EIF4B: variants seen among roughly 807,000 people sequenced by gnomAD.
EIF4B encodes the protein eukaryotic translation initiation factor 4B.
EIF4B carries 8 observed loss-of-function variants against 79.3 expected under a neutral mutation model. That is an observed-to-expected ratio of 0.10 (90% CI 0.06 to 0.18). The LOEUF (loss-of-function observed/expected upper bound fraction) is 0.18, where lower values mean the gene tolerates loss of function less well. Among genes scored for constraint, EIF4B ranks in the 10% least tolerant of loss-of-function variants. The pLI is 1.00. For synonymous variants in EIF4B, 238 were observed against 274.7 expected (o/e 0.87, Z 1.32); for missense variants, 515 against 792.4 (o/e 0.65, Z 4.20).
intron 2 of EIF4B, 72 bp from the exon 3 acceptor site, chr12:53,018,726 T>G: frequency 6.4e-7 from 1 of 1,559,186 alleles, no homozygotes; most frequent in Non-Finnish European, 8.8e-7. Context: ...GCAATTAACA[T>G]GGGTCCTCTT....
chr12:53,028,319 T>C, intron 8 of EIF4B, 131 bp downstream of exon 8: 4 of 1,265,106 alleles, frequency 3.2e-6, no homozygotes, highest in Non-Finnish European at 4.2e-6. Flanking sequence ...CAGCAAAGCA[T>C]AGTAGAAAGA....
chr12:53,009,695 TTA>T (rs1259241010), intron 1 of EIF4B, among the ~76,000 whole-genome samples: 3 of 152,172 alleles, frequency 2.0e-5, no homozygotes, highest in Non-Finnish European at 4.4e-5. Flanking sequence ...AGGGGTGCCA[TTA>T]TATATTGCTT....
rs1344951812 is a variant in EIF4B, at chr12:53,040,619, T to G, written c.*396T>G. On this transcript the variant is annotated 3_prime_UTR_variant, in exon 15 of 15. Coordinates refer to ENST00000262056, the MANE Select transcript of EIF4B (RefSeq NM_001417.7). ...GAAGGAAAAGTGTGAGATTTCTACC[T>G]TTTAGTTTTTATCCTATTGTGGCAT... 1.3e-5 allele frequency: 2 copies of G among 157,972 alleles called. No individual in the cohort carries two copies. Among genetic ancestry groups the G allele is most frequent in the African/African-American group, 2.4e-5 (1 of 41,556 alleles). 9.8% of individuals were successfully genotyped at this position (157,972 alleles called of 1,614,324 possible). A position where few individuals can be genotyped will look rare whatever the true frequency, so the allele number is the denominator to read the frequency against.
Position 53,028,184 on chromosome 12 carries a change from T to C in EIF4B, c.975T>C (p.Asp325=). Residue 325 remains aspartate (D), a synonymous_variant, in exon 8 of 15, where the codon GAT becomes GAC. Transcript: ENST00000262056. ...CTCGGGATGATTATAGGCGTGATGA[T>C]AGAGGTAATAGTTTTCTTTTTACGT... ...DYSRDDYRRD[D]RGPPQRPKLN... 3.2e-6 allele frequency: 5 copies of C among 1,569,708 alleles called. No individual in the cohort carries two copies. Among genetic ancestry groups the C allele is most frequent in the Non-Finnish European group, 4.3e-6 (5 of 1,162,404 alleles).
chr12:53,030,065 TACAA>T (rs1174880842), intron 8 of EIF4B, among the ~76,000 whole-genome samples: 1 of 143,174 alleles, frequency 7.0e-6, no homozygotes, highest in Non-Finnish European at 1.5e-5. Context: ...CTGCAAAAAA[TACAA>T]AAGTTAGCTG....
chr12:53,028,511 C>T (rs189447818), intron 8 of EIF4B, among the ~76,000 whole-genome samples: 3 of 149,808 alleles, frequency 2.0e-5, no homozygotes, highest in East Asian at 2.0e-4. Context: ...GTGGAGATGG[C>T]GCCGCTGCAC....
intron 10 of EIF4B, among the ~76,000 whole-genome samples, chr12:53,035,881 G>A (rs1176779570): frequency 1.3e-5 from 2 of 151,418 alleles, no homozygotes; most frequent in African/African-American, 4.9e-5. Context: ...GCAGTGGCAC[G>A]ATTTTGGCTC....
chr12:53,040,047 TCATCCCC>T (rs918410441), intron 14 of EIF4B, 89 bp from the exon 15 acceptor site: 21 of 1,388,130 alleles, frequency 1.5e-5, no homozygotes, highest in Non-Finnish European at 2.0e-5. Flanking sequence ...CATCTGACTG[TCATCCCC>T]CATTGCCAAA....
In EIF4B at chr12:53,016,615, CT is replaced by C. The variant is rs752309294; in HGVS notation, c.151+9del. Reference sequence around the variant, plus strand: ...CGGATGACCTGGAAGGAGATGGTAACTTTTCTTTTGTCATCGTGTTTGGAAT... The same window carrying C: ...CGGATGACCTGGAAGGAGATGGTAACTTTCTTTTGTCATCGTGTTTGGAAT... On this transcript the variant is annotated splice_donor_region_variant and intron_variant, in intron 2 of 14. Transcript: ENST00000262056. 2.5e-6 allele frequency: 4 copies of C among 1,569,538 alleles called. No homozygotes were observed. The highest frequency in any genetic ancestry group is 3.4e-6 in the Non-Finnish European group (4 of 1,161,830).
At position 53,040,402 on chromosome 12, in the gene EIF4B, T is replaced by C. The variant is rs2120996150; in HGVS notation, c.*179T>C. ...GCATGCTGCTGCAGCCTTTAAAGTA[T>C]TGAAGTAACTGGAGAATTGCCAATA... On this transcript the variant is annotated 3_prime_UTR_variant, in exon 15 of 15. Transcript: ENST00000262056. The C allele has an allele frequency of 1.2e-5, 7 of 588,182 alleles. No individual in the cohort carries two copies. Among genetic ancestry groups the C allele is most frequent in the Non-Finnish European group, 2.0e-5 (7 of 347,406 alleles). The allele number at this position is 588,182 out of a possible 1,614,324, so 36.4% of individuals were successfully genotyped here. A position where few individuals can be genotyped will look rare whatever the true frequency, so the allele number is the denominator to read the frequency against.
rs751403272 is a variant in EIF4B, at chr12:53,016,433, G to A, written c.14-40G>A. 1.3e-5 allele frequency: 21 copies of A among 1,610,744 alleles called. No homozygotes were observed. The Admixed American group carries it at 2.3e-4, about 18-fold the overall frequency. On this transcript the variant is annotated intron_variant, in intron 1 of 14. Coordinates refer to ENST00000262056, the MANE Select transcript of EIF4B (RefSeq NM_001417.7). The stretch of plus-strand genomic sequence containing the variant: ...GCATTGTACAACTCTGTAAATACCT[G>A]AGTATTGGTGAATAATCTTTCTCTT...
intron 11 of EIF4B, 108 bp downstream of exon 11, chr12:53,037,730 G>A (rs2120986019): frequency 1.6e-6 from 2 of 1,213,332 alleles, no homozygotes; most frequent in Non-Finnish European, 2.3e-6. Flanking sequence ...CACCTTATAA[G>A]TTATGCTGGC....
Position 53,041,241 on chromosome 12 carries a change from G to T in EIF4B, c.*1018G>T, listed in dbSNP as rs951057317. ...ATGGAGAACTCTGAAAGGAAGAATCGCTGCTTTTCTCAAGCAAATCGGTTT... is the reference window on the plus strand; with the variant it reads ...ATGGAGAACTCTGAAAGGAAGAATCTCTGCTTTTCTCAAGCAAATCGGTTT... On this transcript the variant is annotated 3_prime_UTR_variant, in exon 15 of 15. Coordinates refer to ENST00000262056, the MANE Select transcript of EIF4B (RefSeq NM_001417.7). The T allele has an allele frequency of 2.0e-5, 3 of 152,124 alleles. No homozygotes were observed. Among genetic ancestry groups the T allele is most frequent in the African/African-American group, 7.2e-5 (3 of 41,402 alleles). The allele number at this position is 152,124 out of a possible 1,614,324, so 9.4% of individuals were successfully genotyped here.
At chr12:53,035,961 G>A (rs770233482) in intron 10 of EIF4B, among the ~76,000 whole-genome samples, 40 of 4,552 alleles carry the variant, frequency 8.8e-3, no homozygotes, top group Admixed American at 0.025. Context: ...GGGATTACAG[G>A]TGAGCGCCAC....
intron 1 of EIF4B, among the ~76,000 whole-genome samples, chr12:53,015,789 C>G (rs1252680252): frequency 1.3e-5 from 2 of 151,906 alleles, no homozygotes; most frequent in African/African-American, 4.8e-5. Flanking sequence ...CCAGCCTGGC[C>G]AACATGGTGA....
chr12:53,037,912 AG>A (rs1460271184), intron 11 of EIF4B: 11 of 421,434 alleles, frequency 2.6e-5, no homozygotes, highest in African/African-American at 2.0e-4. Flanking sequence ...GCAGTATGGT[AG>A]GGGGTAACTT....
At chr12:53,011,090 C>T (rs1038825166) in intron 1 of EIF4B, among the ~76,000 whole-genome samples, 1 of 151,922 alleles carries the variant, frequency 6.6e-6, no homozygotes, top group Non-Finnish European at 1.5e-5. Flanking sequence ...ATAGTGAGAC[C>T]ACGTCTCTAC....
intron 2 of EIF4B, 57 bp from the exon 3 acceptor site, chr12:53,018,741 T>C (rs1006046081): frequency 1.3e-6 from 2 of 1,594,706 alleles, no homozygotes; most frequent in African/African-American, 2.7e-5. Context: ...CCTCTTGTTC[T>C]ATGACAGTAG....
At chr12:53,019,834 CT>C (rs780358437) in intron 3 of EIF4B, 75 bp from the exon 4 acceptor site, 1,375 of 1,410,964 alleles carry the variant, frequency 9.7e-4, no homozygotes, top group Non-Finnish European at 1.2e-3. Flanking sequence ...TACAGTAATG[CT>C]TTTGTAGTCC....
Sources: gnomAD v4.1 joint callset for allele counts (sites outside exome capture counted in the v4.1 genomes callset) on GRCh38, gnomAD v4.1.1 for gene constraint, MANE v1.5 for transcripts, NCBI Gene and HGNC (gene_info 2026-07-23, HGNC 2026-07-21) for gene names.